The following DCUN1D2 variants were observed in gnomAD, a reference collection of about 807,000 sequenced individuals.
DCUN1D2 encodes defective in cullin neddylation 1 domain containing 2.
DCUN1D2 carries 29 observed loss-of-function variants against 30.9 expected under a neutral mutation model. The observed-to-expected ratio is 0.94, with a 90% CI of 0.70 to 1.28. DCUN1D2 has a LOEUF of 1.28. DCUN1D2 is among the 50% of genes most tolerant of loss of function. The pLI is 0.00. For synonymous variants in DCUN1D2, 121 were observed against 115.3 expected, an observed-to-expected ratio of 1.05 and a Z score of -0.32; for missense variants, 325 against 316.9, an observed-to-expected ratio of 1.03 and a Z score of -0.19.
chr13:113,485,631 G>A (rs1015847256), intron 1 of DCUN1D2, among the ~76,000 whole-genome samples: 2 of 151,320 alleles, frequency 1.3e-5, no homozygotes, highest in African/African-American at 4.9e-5. Flanking sequence ...TGCCAACCAC[G>A]TACAGCAGAG....
At chr13:113,471,940 C>G (rs565017309) in intron 4 of DCUN1D2, among the ~76,000 whole-genome samples, 2 of 152,152 alleles carry the variant, frequency 1.3e-5, no homozygotes, top group Non-Finnish European at 2.9e-5. Context: ...CAAAGACCAC[C>G]CACAACGACA....
At position 113,490,536 on chromosome 13, in the gene DCUN1D2, C is replaced by A; in HGVS notation, c.3+131G>T. On this transcript the variant is annotated intron_variant, in intron 1 of 6. Transcript: ENST00000478244. The surrounding 1 kb of genome is among the most constrained non-coding windows in gnomAD (Gnocchi z 5.2). ...GCGGGCCCGCGGCGCGTTCCTCCCT[C>A]GGATCCACGCGGAACGCCCCGCGCA... 1 of 969,804 alleles carries A rather than the reference C, an allele frequency of 1.0e-6. No individual in the cohort carries two copies. The allele number at this position is 969,804 out of a possible 1,614,324, so 60.1% of individuals were successfully genotyped here.
intron 4 of DCUN1D2, chr13:113,462,794 A>C (rs534412689): frequency 8.6e-7 from 1 of 1,160,894 alleles, no homozygotes; most frequent in Admixed American, 4.1e-5. Context: ...CCTGCTTATA[A>C]GTCTACATCC....
chr13:113,459,668 G>A, intron 5 of DCUN1D2: 1 of 283,324 alleles, frequency 3.5e-6, no homozygotes, highest in Non-Finnish European at 6.6e-6. Context: ...TTGTCACATA[G>A]AAGGGCAGCA....
chr13:113,475,125 C>T (rs961733757), intron 3 of DCUN1D2, among the ~76,000 whole-genome samples: 1 of 152,164 alleles, frequency 6.6e-6, no homozygotes, highest in South Asian at 2.1e-4. Flanking sequence ...AGCTTTAGAG[C>T]AGCTAGAAAA....
upstream of DCUN1D2, chr13:113,490,897 T>A: frequency 3.9e-6 from 1 of 254,910 alleles, no homozygotes; most frequent in Non-Finnish European, 7.1e-6. This position sits in a 1 kb window ranked among gnomAD's most constrained non-coding sequence, Gnocchi z 5.2. Context: ...GGCTCGCCCC[T>A]GCGGGGTCCA....
rs2044752759 is a variant in DCUN1D2, at chr13:113,483,828, G to A, written c.220+12C>T. On this transcript the variant is annotated intron_variant, in intron 2 of 6. Transcript: ENST00000478244. ...CCGACATCCGTCCGGCTTTGCTGCA[G>A]TCTCCTCTTACCTTTGTACCTGCCG... The A allele has an allele frequency of 6.2e-7, 1 of 1,609,524 alleles. No individual in the cohort carries two copies. Among genetic ancestry groups the A allele is most frequent in the Non-Finnish European group, 8.5e-7 (1 of 1,178,200 alleles).
intron 2 of DCUN1D2, 109 bp from the exon 3 acceptor site, chr13:113,480,852 T>A (rs2044696344): frequency 2.7e-6 from 3 of 1,121,926 alleles, no homozygotes; most frequent in African/African-American, 3.2e-5. Context: ...CTAGCAAGCG[T>A]GTTTCCAATA....
intron 1 of DCUN1D2, among the ~76,000 whole-genome samples, chr13:113,484,701 C>T (rs2044771030): frequency 6.6e-6 from 1 of 152,078 alleles, no homozygotes. Flanking sequence ...TCTGGGCAGG[C>T]AATAAATAAC....
chr13:113,457,692 C>CT lies in DCUN1D2; in HGVS notation c.*336_*337insA. 5.6e-6 allele frequency: 1 copy of CT among 177,884 alleles called. No homozygotes were observed. The allele number at this position is 177,884 out of a possible 1,614,324, so 11.0% of individuals were successfully genotyped here. A position where few individuals can be genotyped will look rare whatever the true frequency, so the allele number is the denominator to read the frequency against. On this transcript the variant is annotated 3_prime_UTR_variant, in exon 7 of 7. Coordinates refer to ENST00000478244, the MANE Select transcript of DCUN1D2 (RefSeq NM_001014283.2). Reference sequence around the variant, plus strand: ...CGCTGCCGGACGCTGGTTCGCCTGACGCGCGAGCTACGCAGCATGCTCTGC... The same window carrying CT: ...CGCTGCCGGACGCTGGTTCGCCTGACTGCGCGAGCTACGCAGCATGCTCTGC...
chr13:113,486,435 C>T (rs2044805352), intron 1 of DCUN1D2, among the ~76,000 whole-genome samples: 1 of 152,158 alleles, frequency 6.6e-6, no homozygotes. Flanking sequence ...TACACCAACT[C>T]CCATGACACA....
chr13:113,474,192 G>A lies in DCUN1D2; in HGVS notation c.452C>T (p.Thr151Ile). 2.5e-6 allele frequency: 4 copies of A among 1,614,124 alleles called. No homozygotes were observed. The South Asian group carries it at 3.3e-5, about 13-fold the overall frequency. ...LPRLEQELKD[T>I]AKFKDFYQFT... Reference sequence around the variant, plus strand: ...CTGATAAAAATCTTTAAACTTGGCTGTGTCCTTCAGCTCCTGCTCCAGTCT... The same window carrying A: ...CTGATAAAAATCTTTAAACTTGGCTATGTCCTTCAGCTCCTGCTCCAGTCT... The change falls in exon 4 of 7, where the codon ACA becomes ATA. Residue 151 changes from threonine to isoleucine, a missense_variant. Thr to Ile is a moderately conservative substitution (Grantham distance 89). Coordinates refer to ENST00000478244, the MANE Select transcript of DCUN1D2 (RefSeq NM_001014283.2).
In DCUN1D2 at chr13:113,483,886, G is replaced by C; in HGVS notation, c.174C>G (p.Asn58Lys). Reference protein sequence around the residue: ...PDSLHRESMRNAVDKKKLERL... With the variant: ...PDSLHRESMRKAVDKKKLERL... ...GCTCCAGCTTCTTCTTGTCCACAGC[G>C]TTCCGCATGGACTCCCTGTGGAGCG... is the stretch of plus-strand genomic sequence containing the variant. The change falls in exon 2 of 7, where the codon AAC (asparagine) becomes AAG (lysine). Residue 58 changes from asparagine to lysine, a missense_variant. Asn to Lys is a moderately conservative substitution (Grantham distance 94). Coordinates refer to ENST00000478244, the MANE Select transcript of DCUN1D2 (RefSeq NM_001014283.2). 1 of 1,613,510 alleles carries C rather than the reference G, an allele frequency of 6.2e-7. No homozygotes were observed. The highest frequency in any genetic ancestry group is 8.5e-7 in the Non-Finnish European group (1 of 1,180,050).
chr13:113,473,292 C>T (rs2044556579), intron 4 of DCUN1D2, among the ~76,000 whole-genome samples: 1 of 152,140 alleles, frequency 6.6e-6, no homozygotes, highest in South Asian at 2.1e-4. Context: ...TCACTGCACA[C>T]CTCCCAGAGC....
intron 4 of DCUN1D2, among the ~76,000 whole-genome samples, chr13:113,466,706 A>G (rs113367847): frequency 8.6e-5 from 13 of 151,988 alleles, no homozygotes; most frequent in African/African-American, 3.1e-4. Context: ...GTGGTGAAAC[A>G]GGCTTTTCTC....
intron 4 of DCUN1D2, among the ~76,000 whole-genome samples, chr13:113,463,781 CACACAGAGACACACAGACAT>C (rs2044357805): frequency 6.8e-6 from 1 of 146,730 alleles, no homozygotes; most frequent in Admixed American, 6.8e-5. Flanking sequence ...CACACAGACA[CACACAGAGACACACAGACAT>C]ATATAAACAG....
At chr13:113,462,407 A>T (rs7993231) in intron 4 of DCUN1D2, among the ~76,000 whole-genome samples, 9 of 152,152 alleles carry the variant, frequency 5.9e-5, no homozygotes, top group East Asian at 3.9e-4. Flanking sequence ...GATTAATAAA[A>T]GTTAGGTAAT....
At chr13:113,483,374 C>T (rs1407385797) in intron 2 of DCUN1D2, among the ~76,000 whole-genome samples, 2 of 152,230 alleles carry the variant, frequency 1.3e-5, no homozygotes, top group African/African-American at 2.4e-5. Context: ...CGCCACTACC[C>T]GGGCAAGGAA....
In DCUN1D2 at chr13:113,458,100, G is replaced by A. The variant is rs2044255512; in HGVS notation, c.709C>T (p.Pro237Ser). ...TCTACAAAATCATCTATAAGAACGG[G>A]CCAAGCTCCTAAAGGAAAGCAAGCA... ...MSNYDEEGAW[P>S]VLIDDFVEYA... is the part of the protein sequence containing the mutation. Residue 237 changes from proline to serine, a missense_variant, in exon 7 of 7, where the codon CCC becomes TCC. Coordinates refer to ENST00000478244, the MANE Select transcript of DCUN1D2 (RefSeq NM_001014283.2). 1.2e-6 allele frequency: 2 copies of A among 1,614,114 alleles called. No individual in the cohort carries two copies. Among genetic ancestry groups the A allele is most frequent in the Admixed American group, 1.7e-5 (1 of 60,020 alleles).
Sources: allele counts gnomAD v4.1 joint callset (sites outside exome capture counted in the v4.1 genomes callset), GRCh38; gene constraint gnomAD v4.1.1; non-coding constraint Gnocchi (gnomAD v3.1); transcripts MANE v1.5; gene names NCBI Gene and HGNC (gene_info 2026-07-23, HGNC 2026-07-21).